The following TXNDC16 variants were observed in gnomAD, a reference collection of about 807,000 sequenced individuals.
TXNDC16 encodes thioredoxin domain-containing protein 16.
A neutral mutation model predicts 85.6 loss-of-function variants in TXNDC16; 74 were observed. The ratio of observed to expected loss-of-function variants is 0.86; its 90% CI spans 0.72 to 1.05. The LOEUF (loss-of-function observed/expected upper bound fraction) is 1.05, where lower values mean the gene tolerates loss of function less well. TXNDC16 is among the 50% of genes least tolerant of loss of function. The pLI, the probability that TXNDC16 is intolerant of heterozygous loss-of-function variation, is 0.00. For missense variants in TXNDC16, 959 were observed against 947.0 expected (o/e 1.01, Z -0.17); for synonymous variants, 335 against 326.5 (o/e 1.03, Z -0.28).
chr14:52,488,363 C>T lies in TXNDC16; in HGVS notation c.1108G>A (p.Asp370Asn), dbSNP rs139497071. ...AGGGGTGAGAATCATAACACATTACCTATATCTGGACCTTCCATGTCATTG... is the reference window on the plus strand; with the variant it reads ...AGGGGTGAGAATCATAACACATTACTTATATCTGGACCTTCCATGTCATTG... ...EDNDMEGPDI[D>N]VQDDEVAETV... The change falls in exon 12 of 21, where the codon GAT becomes AAT. Residue 370 changes from aspartate (D) to asparagine (N), a missense_variant and splice_region_variant. Coordinates refer to ENST00000281741, the MANE Select transcript of TXNDC16 (RefSeq NM_020784.3). The T allele has an allele frequency of 6.2e-7, 1 of 1,613,050 alleles. No individual in the cohort carries two copies. Among genetic ancestry groups the T allele is most frequent in the Non-Finnish European group, 8.5e-7 (1 of 1,179,504 alleles).
chr14:52,536,308 T>G (rs141056788), intron 6 of TXNDC16, among the ~76,000 whole-genome samples: 13 of 152,340 alleles, frequency 8.5e-5, no homozygotes, highest in African/African-American at 3.1e-4. Context: ...TACTTTGATC[T>G]TGGACGTCCC....
At chr14:52,541,151 G>A (rs1303428694) in intron 4 of TXNDC16, among the ~76,000 whole-genome samples, 10 of 151,812 alleles carry the variant, frequency 6.6e-5, no homozygotes, top group South Asian at 2.1e-4. Flanking sequence ...CAAGAGAATC[G>A]CTTGAACCTG....
chr14:52,457,304 C>T, intron 16 of TXNDC16, 130 bp from the exon 17 acceptor site: 2 of 503,886 alleles, frequency 4.0e-6, no homozygotes, highest in Non-Finnish European at 6.8e-6. Flanking sequence ...GTGCAGATGT[C>T]TTATATAATT....
intron 6 of TXNDC16, among the ~76,000 whole-genome samples, chr14:52,530,244 T>TATATATTATATA (rs1566581765): frequency 1.9e-5 from 1 of 52,810 alleles, no homozygotes; most frequent in Non-Finnish European, 2.9e-5. Context: ...TATAATAATA[T>TATATATTATATA]ATAATATATA....
chr14:52,451,672 A>G (rs1353382067), intron 18 of TXNDC16, among the ~76,000 whole-genome samples: 3 of 152,042 alleles, frequency 2.0e-5, no homozygotes, highest in African/African-American at 7.2e-5. Flanking sequence ...CCCTCAAAAA[A>G]CTGGGTACAG....
intron 9 of TXNDC16, 126 bp from the exon 10 acceptor site, chr14:52,491,131 G>T: frequency 9.3e-7 from 1 of 1,073,634 alleles, no homozygotes; most frequent in Non-Finnish European, 1.3e-6. Context: ...AACACTAACA[G>T]AAACGATCTC....
intron 18 of TXNDC16, among the ~76,000 whole-genome samples, chr14:52,444,246 C>G (rs1052732700): frequency 2.6e-5 from 4 of 151,940 alleles, no homozygotes; most frequent in Non-Finnish European, 4.4e-5. Context: ...TCCTGGTGTT[C>G]TAAACTTGTC....
intron 14 of TXNDC16, among the ~76,000 whole-genome samples, chr14:52,472,163 A>G (rs1402959716): frequency 6.6e-6 from 1 of 151,652 alleles, no homozygotes; most frequent in African/African-American, 2.4e-5. Flanking sequence ...TAACAATCTG[A>G]TAATATAGGC....
Position 52,470,027 on chromosome 14 carries a change from C to T in TXNDC16, c.1618+10G>A. On this transcript the variant is annotated intron_variant, in intron 16 of 20. Transcript: ENST00000281741. ...TCTACTGTATAATTTAAAAGCTCAGCTCTGCTTACCTGTTTTCATGGTTGG... is the reference window on the plus strand; with the variant it reads ...TCTACTGTATAATTTAAAAGCTCAGTTCTGCTTACCTGTTTTCATGGTTGG... 6.2e-7 allele frequency: 1 copy of T among 1,600,018 alleles called. No individual in the cohort carries two copies. Among genetic ancestry groups the T allele is most frequent in the Non-Finnish European group, 8.5e-7 (1 of 1,175,474 alleles).
Position 52,470,081 on chromosome 14 carries a change from GA to G in TXNDC16, c.1573del (p.Ser525LeufsTer13). On this transcript the variant is annotated frameshift_variant, in exon 16 of 21. Coordinates refer to ENST00000281741, the MANE Select transcript of TXNDC16 (RefSeq NM_020784.3). LOFTEE classifies it high-confidence loss of function. ...AAATAGTCCCAATACTGACACACTA[GA>G]ATACAAGATGAGGTCTTTATATAAT... Reference protein sequence around the residue: ...GELYKDLILYSSVSVLGLFSP... With the variant: ...GELYKDLILYXSVSVLGLFSP... 1 of 1,611,318 alleles carries G rather than the reference GA, an allele frequency of 6.2e-7. No individual in the cohort carries two copies. Among genetic ancestry groups the G allele is most frequent in the Non-Finnish European group, 8.5e-7 (1 of 1,178,686 alleles).
At chr14:52,511,682 A>AT (rs1281633328) in intron 8 of TXNDC16, among the ~76,000 whole-genome samples, 1 of 152,158 alleles carries the variant, frequency 6.6e-6, no homozygotes, top group East Asian at 1.9e-4. Flanking sequence ...AGGCAAGCCT[A>AT]TAACCTTTCT....
chr14:52,488,651 C>T (rs892392724), intron 11 of TXNDC16, among the ~76,000 whole-genome samples, 165 bp from the exon 12 acceptor site: 1 of 151,750 alleles, frequency 6.6e-6, no homozygotes, highest in African/African-American at 2.4e-5. Context: ...GCCTGGCCAA[C>T]ATGGTGAAAC....
chr14:52,537,252 G>A (rs758002355), intron 5 of TXNDC16, among the ~76,000 whole-genome samples: 2 of 152,104 alleles, frequency 1.3e-5, no homozygotes, highest in Non-Finnish European at 2.9e-5. Flanking sequence ...GAGATTGGCA[G>A]ATCTCTCAAA....
chr14:52,518,003 C>CT (rs1321454138), intron 7 of TXNDC16, among the ~76,000 whole-genome samples: 1 of 152,130 alleles, frequency 6.6e-6, no homozygotes, highest in East Asian at 1.9e-4. Context: ...GCATAATGGC[C>CT]ACTTGGCACT....
At chr14:52,532,427 G>A (rs2037602443) in intron 6 of TXNDC16, among the ~76,000 whole-genome samples, 2 of 152,070 alleles carry the variant, frequency 1.3e-5, no homozygotes, top group East Asian at 3.9e-4. Context: ...AAGTTGTCAA[G>A]CAACAGTTCA....
At chr14:52,488,527 T>C in intron 11 of TXNDC16, 41 bp from the exon 12 acceptor site, 3 of 1,502,614 alleles carry the variant, frequency 2.0e-6, no homozygotes, top group East Asian at 2.4e-5. Context: ...TATAGCAAAG[T>C]ATTTTGACAT....
chr14:52,452,666 T>C lies in TXNDC16; in HGVS notation c.1842+2658A>G, dbSNP rs138259123. ...AACTAGGCCCCTATCTCTCATCATA[T>C]ACAAAAATCAATTCAAAATGGATTC... is the stretch of plus-strand genomic sequence containing the variant. On this transcript the variant is annotated intron_variant, in intron 18 of 20. Coordinates refer to ENST00000281741, the MANE Select transcript of TXNDC16 (RefSeq NM_020784.3). 3.1e-4 allele frequency among the ~76,000 whole-genome samples: 47 copies of C among 152,272 alleles called. 1 individual carries two copies. In the East Asian group the frequency reaches 7.5e-3, roughly 24 times the overall value.
At chr14:52,493,214 T>C (rs577009832) in intron 9 of TXNDC16, among the ~76,000 whole-genome samples, 36,614 of 114,238 alleles carry the variant, frequency 0.32, 5,067 homozygotes, top group East Asian at 0.5. Context: ...TATATATATA[T>C]ATACACACAC....
rs771225892 is a variant in TXNDC16, at chr14:52,490,889, T to C, written c.873A>G (p.Glu291=). ...TTCCCAGAAGACGCCAAGCAACCCA[T>C]TCTGCAGTTCTTCTATCAGCTTCAT... ...ATYEADRRTA[E]WVAWRLLGKA... Residue 291 remains glutamate, a synonymous_variant, in exon 10 of 21, where the codon GAA becomes GAG. Transcript: ENST00000281741. 5.0e-6 allele frequency: 8 copies of C among 1,613,472 alleles called. No homozygotes were observed. In the South Asian group the frequency reaches 8.8e-5, roughly 18 times the overall value.
Sources: allele counts gnomAD v4.1 joint callset (sites outside exome capture counted in the v4.1 genomes callset), GRCh38; gene constraint gnomAD v4.1.1; transcripts MANE v1.5; gene names NCBI Gene and HGNC (gene_info 2026-07-23, HGNC 2026-07-21).